TRAF2: variants seen among roughly 807,000 people sequenced by gnomAD.
TRAF2 encodes the protein TNF receptor-associated factor 2.
TRAF2 carries 6 observed loss-of-function variants against 55.6 expected under a neutral mutation model. The ratio of observed to expected loss-of-function variants is 0.11; its 90% CI spans 0.06 to 0.21. The LOEUF (loss-of-function observed/expected upper bound fraction) is 0.21. TRAF2 is among the 10% of genes least tolerant of loss of function. The probability of loss-of-function intolerance (pLI) is 1.00; values close to 1 mark genes in which losing one functional copy is unlikely to be tolerated. For synonymous variants in TRAF2, 329 were observed against 276.3 expected (o/e 1.19, Z -1.89); for missense variants, 561 against 684.5 (o/e 0.82, Z 2.01).
At chr9:136,905,875 C>A (rs368687869) in intron 4 of TRAF2, among the ~76,000 whole-genome samples, 48 of 152,156 alleles carry the variant, frequency 3.2e-4, no homozygotes, top group African/African-American at 1.2e-3. Flanking sequence ...GAGGCCAAGG[C>A]AGGTGAATCA....
upstream of TRAF2, chr9:136,886,225 TC>T: frequency 1.5e-5 from 3 of 193,608 alleles, 1 homozygote; most frequent in Non-Finnish European, 2.8e-5. Context: ...CCTCACCAGC[TC>T]CCCGCACCAA....
At chr9:136,923,630 A>AC (rs1850450186) in intron 9 of TRAF2, among the ~76,000 whole-genome samples, 1 of 151,372 alleles carries the variant, frequency 6.6e-6, no homozygotes, top group Non-Finnish European at 1.5e-5. Context: ...AAAAAAAAAA[A>AC]AAAAACTTTT....
intron 4 of TRAF2, among the ~76,000 whole-genome samples, chr9:136,905,512 A>G (rs1287780450): frequency 6.6e-6 from 1 of 152,222 alleles, no homozygotes; most frequent in East Asian, 1.9e-4. Flanking sequence ...TGATGGAGGT[A>G]GATGGTGGTG....
At chr9:136,902,936 T>C (rs906858778) in intron 4 of TRAF2, among the ~76,000 whole-genome samples, 2 of 152,158 alleles carry the variant, frequency 1.3e-5, no homozygotes, top group Admixed American at 6.5e-5. Flanking sequence ...TCCTTTGCAA[T>C]GATGCCTTTC....
At chr9:136,901,036 C>T (rs1020784410) in intron 4 of TRAF2, among the ~76,000 whole-genome samples, 4 of 152,216 alleles carry the variant, frequency 2.6e-5, no homozygotes, top group African/African-American at 7.2e-5. Context: ...AATGGACACA[C>T]TTGTCCTGTG....
At chr9:136,905,399 G>A (rs180726685) in intron 4 of TRAF2, among the ~76,000 whole-genome samples, 2 of 152,316 alleles carry the variant, frequency 1.3e-5, no homozygotes, top group African/African-American at 4.8e-5. Flanking sequence ...TCCCCGGAGT[G>A]GTCAAATTGA....
At chr9:136,904,097 C>T (rs1010341045) in intron 4 of TRAF2, among the ~76,000 whole-genome samples, 1 of 152,108 alleles carries the variant, frequency 6.6e-6, no homozygotes, top group Admixed American at 6.5e-5. Context: ...CACCTGCCAG[C>T]CTTCGCCAGC....
At chr9:136,885,562 G>A (rs1849429345), upstream of TRAF2, among the ~76,000 whole-genome samples, 1 of 152,170 alleles carries the variant, frequency 6.6e-6, no homozygotes, top group Non-Finnish European at 1.5e-5. Context: ...GAGGTCGGGA[G>A]TTCAAGACCA....
intron 10 of TRAF2, among the ~76,000 whole-genome samples, chr9:136,925,221 C>G (rs1292921720): frequency 1.3e-5 from 2 of 152,120 alleles, no homozygotes; most frequent in Non-Finnish European, 2.9e-5. Context: ...CCCACAGGCC[C>G]TTGTCTGTCC....
At chr9:136,924,269 A>G (rs915447910) in intron 10 of TRAF2, among the ~76,000 whole-genome samples, 8 of 152,186 alleles carry the variant, frequency 5.3e-5, no homozygotes, top group African/African-American at 1.7e-4. Context: ...AAGAAAAAGC[A>G]CAAGGCCGAG....
intron 1 of TRAF2, among the ~76,000 whole-genome samples, chr9:136,887,152 G>A (rs1339507920): frequency 6.6e-6 from 1 of 152,218 alleles, no homozygotes; most frequent in Non-Finnish European, 1.5e-5. Flanking sequence ...GCTGCTGGGA[G>A]GGTCGGGGGC....
chr9:136,916,365 A>C (rs139398088), intron 6 of TRAF2, among the ~76,000 whole-genome samples, 176 bp from the exon 7 acceptor site: 1 of 152,202 alleles, frequency 6.6e-6, no homozygotes, highest in Non-Finnish European at 1.5e-5. Context: ...GTGTGTGTGC[A>C]CAGGTGTGTG....
chr9:136,893,346 G>T (rs1849618249), intron 1 of TRAF2, among the ~76,000 whole-genome samples: 1 of 152,236 alleles, frequency 6.6e-6, no homozygotes, highest in African/African-American at 2.4e-5. Context: ...CTAAATTACA[G>T]ATTCAGAAGC....
chr9:136,910,569 C>T (rs1412518552), intron 6 of TRAF2, among the ~76,000 whole-genome samples: 2 of 152,318 alleles, frequency 1.3e-5, no homozygotes, highest in South Asian at 2.1e-4. Context: ...AACTGCCTCC[C>T]TTGTTGGAGG....
At chr9:136,899,059 G>T in intron 2 of TRAF2, 131 bp downstream of exon 2, 2 of 861,040 alleles carry the variant, frequency 2.3e-6, no homozygotes, top group Non-Finnish European at 3.5e-6. Flanking sequence ...GATACTCCCT[G>T]GATTTCGGAG....
At chr9:136,915,082 G>A (rs929659053) in intron 6 of TRAF2, among the ~76,000 whole-genome samples, 6 of 152,184 alleles carry the variant, frequency 3.9e-5, no homozygotes, top group African/African-American at 1.4e-4. Context: ...GGGAGGCTGA[G>A]GCAGGAGAAT....
At chr9:136,883,115 C>T (rs1849393379), upstream of TRAF2, among the ~76,000 whole-genome samples, 1 of 152,120 alleles carries the variant, frequency 6.6e-6, no homozygotes, top group African/African-American at 2.4e-5. Flanking sequence ...GGTGATCTGC[C>T]CACCTCAGCC....
chr9:136,894,172 C>T (rs1484832984), intron 1 of TRAF2, among the ~76,000 whole-genome samples: 1 of 150,386 alleles, frequency 6.6e-6, no homozygotes, highest in Non-Finnish European at 1.5e-5. Flanking sequence ...TCAGCCTCCA[C>T]AGTAGCTGGG....
intron 7 of TRAF2, among the ~76,000 whole-genome samples, chr9:136,919,042 A>ATATTCATTTATTTATTTATTTATTTATT (rs1850316486): frequency 7.2e-6 from 1 of 138,326 alleles, no homozygotes; most frequent in Non-Finnish European, 1.5e-5. Flanking sequence ...GCCTATTTTA[A>ATATTCATTTATTTATTTATTTATTTATT]TATTTATTTA....
Sources: allele counts gnomAD v4.1 joint callset (sites outside exome capture counted in the v4.1 genomes callset), GRCh38; gene constraint gnomAD v4.1.1; transcripts MANE v1.5; gene names NCBI Gene and HGNC (gene_info 2026-07-23, HGNC 2026-07-21).